MET: variants seen among roughly 807,000 people sequenced by gnomAD.
The protein encoded by MET is MET proto-oncogene, receptor tyrosine kinase.
A neutral mutation model predicts 133.1 loss-of-function variants in MET; 48 were observed. The ratio of observed to expected loss-of-function variants is 0.36; its 90% CI spans 0.29 to 0.46. The LOEUF (loss-of-function observed/expected upper bound fraction) is 0.46. MET is among the 20% of genes least tolerant of loss of function. MET has a pLI of 1.00. For missense variants in MET, 1,442 were observed against 1,695.9 expected, an observed-to-expected ratio of 0.85 and a Z score of 2.63; for synonymous variants, 628 against 616.5, an observed-to-expected ratio of 1.02 and a Z score of -0.28.
At chr7:116,785,405 A>G (rs1426224427) in intron 19 of MET, among the ~76,000 whole-genome samples, 1 of 152,132 alleles carries the variant, frequency 6.6e-6, no homozygotes, top group Non-Finnish European at 1.5e-5. Flanking sequence ...AGCAGGACCA[A>G]GTGGGGGGAG....
chr7:116,731,972 G>T, intron 3 of MET, 113 bp downstream of exon 3: 1 of 1,038,904 alleles, frequency 9.6e-7, no homozygotes, highest in East Asian at 2.5e-5. Flanking sequence ...AATCATAGTA[G>T]AAACTGGAAC....
chr7:116,740,803 A>G (rs1430828427), intron 4 of MET, 49 bp from the exon 5 acceptor site: 2 of 1,607,090 alleles, frequency 1.2e-6, no homozygotes, highest in African/African-American at 1.3e-5. Context: ...TAATTAATTA[A>G]CAAACTAGAT....
At chr7:116,685,681 A>G (rs749200333) in intron 1 of MET, among the ~76,000 whole-genome samples, 1 of 152,144 alleles carries the variant, frequency 6.6e-6, no homozygotes, top group East Asian at 1.9e-4. Context: ...GCAAGACTCC[A>G]TGTCAAAAAA....
chr7:116,781,438 A>G (rs922910720), intron 17 of MET, among the ~76,000 whole-genome samples: 1 of 152,198 alleles, frequency 6.6e-6, no homozygotes, highest in African/African-American at 2.4e-5. Context: ...TGGAAAATGG[A>G]GCCTGTAACA....
intron 1 of MET, among the ~76,000 whole-genome samples, chr7:116,675,635 A>G (rs1003727088): frequency 6.6e-6 from 1 of 152,152 alleles, no homozygotes; most frequent in Non-Finnish European, 1.5e-5. Context: ...GCCATCAACT[A>G]TTGGAAACAT....
At chr7:116,717,359 G>A (rs1410009532) in intron 2 of MET, among the ~76,000 whole-genome samples, 2 of 152,124 alleles carry the variant, frequency 1.3e-5, no homozygotes, top group Non-Finnish European at 2.9e-5. Context: ...GTGCCTCCCT[G>A]CGTGCAGTCA....
rs1794949971 is a variant in MET, at chr7:116,774,985, C to T, written c.3133C>T (p.Pro1045Ser). ...LTSGDSDISS[P>S]LLQNTVHIDL... ...TAGTGGGGACTCTGATATATCCAGT[C>T]CATTACTGCAAAATACTGTCCACAT... The change falls in exon 15 of 21, where the codon CCA becomes TCA. Residue 1045 changes from proline (P) to serine (S), a missense_variant. Pro to Ser is a moderately conservative substitution (Grantham distance 74, BLOSUM62 -1). This residue lies in a region of MET where 514 missense variants were observed against 659.6 expected (regional missense o/e 0.78). Transcript: ENST00000397752. 1 of 1,614,142 alleles carries T rather than the reference C, an allele frequency of 6.2e-7. No homozygotes were observed. The highest frequency in any genetic ancestry group is 8.5e-7 in the Non-Finnish European group (1 of 1,180,000).
Position 116,735,252 on chromosome 7 carries a change from A to G in MET, c.1392+3393A>G, listed in dbSNP as rs569365762. Among the ~76,000 whole-genome samples, 284 of 152,204 alleles carry G rather than the reference A, an allele frequency of 1.9e-3. 1 individual carries two copies. The highest frequency in any genetic ancestry group is 3.0e-3 in the Non-Finnish European group (206 of 68,030). On this transcript the variant is annotated intron_variant, in intron 3 of 20. Transcript: ENST00000397752. ...CCTCTCCAAGTTCCTAAATGTTGTTACCACCCACTCATCACTCCTGTTCTC... is the reference window on the plus strand; with the variant it reads ...CCTCTCCAAGTTCCTAAATGTTGTTGCCACCCACTCATCACTCCTGTTCTC...
intron 2 of MET, among the ~76,000 whole-genome samples, chr7:116,728,412 A>G (rs1280477599): frequency 2.0e-5 from 3 of 152,202 alleles, no homozygotes; most frequent in African/African-American, 7.2e-5. Flanking sequence ...TGTGCAATAT[A>G]AATATTGCAT....
chr7:116,716,223 C>T (rs987730503), intron 2 of MET, among the ~76,000 whole-genome samples: 14 of 145,698 alleles, frequency 9.6e-5, no homozygotes, highest in Admixed American at 2.8e-4. Context: ...ACTGCACTGC[C>T]GCCTGGGTGA....
chr7:116,795,130 T>A (rs1795628748), intron 19 of MET, among the ~76,000 whole-genome samples: 1 of 152,174 alleles, frequency 6.6e-6, no homozygotes, highest in South Asian at 2.1e-4. Flanking sequence ...GCCTTGCAGT[T>A]TTTTTTATTT....
At chr7:116,690,685 A>G (rs1796752349) in intron 1 of MET, among the ~76,000 whole-genome samples, 1 of 152,250 alleles carries the variant, frequency 6.6e-6, no homozygotes, top group South Asian at 2.1e-4. Flanking sequence ...GCATGTTTAC[A>G]AATTTGCTTT....
At chr7:116,759,659 G>C (rs1794320597) in intron 10 of MET, 169 bp downstream of exon 10, 2 of 769,948 alleles carry the variant, frequency 2.6e-6, no homozygotes, top group Middle Eastern at 4.6e-4. Context: ...ATTATCTAGA[G>C]TCTTGGGCTA....
intron 5 of MET, among the ~76,000 whole-genome samples, chr7:116,747,388 C>T (rs985363632): frequency 2.0e-4 from 30 of 152,108 alleles, no homozygotes; most frequent in Admixed American, 1.8e-3. Context: ...ACCCATCTCA[C>T]GTGCAAAGAC....
rs907146102 is a variant in MET at position 116,797,280 on chromosome 7, G to T, written c.*1156G>T. On this transcript the variant is annotated 3_prime_UTR_variant, in exon 21 of 21. Coordinates refer to ENST00000397752, the MANE Select transcript of MET (RefSeq NM_000245.4). ...GATACATTTTACTAAAAGGTTCATTGGTTCCAATCACAGCTCATAGGTAGA... is the reference window on the plus strand; with the variant it reads ...GATACATTTTACTAAAAGGTTCATTTGTTCCAATCACAGCTCATAGGTAGA... The T allele has an allele frequency of 3.6e-5, 8 of 221,880 alleles. No homozygotes were observed. Among genetic ancestry groups the T allele is most frequent in the East Asian group, 3.3e-4 (5 of 15,184 alleles). 13.7% of individuals were successfully genotyped at this position (221,880 alleles called of 1,614,324 possible).
chr7:116,703,643 C>A (rs1217459159), intron 2 of MET, among the ~76,000 whole-genome samples: 2 of 151,994 alleles, frequency 1.3e-5, no homozygotes, highest in Admixed American at 6.6e-5. Context: ...ACTGTGGAAT[C>A]TCTAACAGTC....
intron 8 of MET, among the ~76,000 whole-genome samples, chr7:116,758,004 C>T (rs1006399079): frequency 2.0e-5 from 3 of 152,110 alleles, no homozygotes; most frequent in Non-Finnish European, 2.9e-5. Context: ...TTTGTCTTCC[C>T]ATCCACCCTC....
rs775541395 is a variant in MET, at chr7:116,771,808, T to C, written c.2888-41T>C. 31 of 1,613,430 alleles carry C rather than the reference T, an allele frequency of 1.9e-5. No homozygotes were observed. Among genetic ancestry groups the C allele is most frequent in the Non-Finnish European group, 2.1e-5 (25 of 1,179,712 alleles). ...GGTCAAAGTCTCCTGGGGCCCATGA[T>C]AGCCGTCTTTAACAAGCTCTTTCTT... On this transcript the variant is annotated intron_variant, in intron 13 of 20. Transcript: ENST00000397752.
In MET at chr7:116,758,479, A is replaced by G; in HGVS notation, c.2123A>G (p.Glu708Gly). 6.2e-7 allele frequency: 1 copy of G among 1,613,766 alleles called. No individual in the cohort carries two copies. Among genetic ancestry groups the G allele is most frequent in the East Asian group, 2.2e-5 (1 of 44,852 alleles). Residue 708 changes from glutamate (E) to glycine (G), a missense_variant, in exon 9 of 21, where the codon GAA becomes GGA. Around this residue, in one of 6 missense-constraint regions of MET, gnomAD observed 514 missense variants for 659.6 expected, o/e 0.78. Coordinates refer to ENST00000397752, the MANE Select transcript of MET (RefSeq NM_000245.4). ...TLKSVSNSIL[E>G]CYTPAQTIST... ...TTCAGTGTGTCAAACAGTATTCTTGAATGTTATACCCCAGCCCAAACCATT... is the reference window on the plus strand; with the variant it reads ...TTCAGTGTGTCAAACAGTATTCTTGGATGTTATACCCCAGCCCAAACCATT...
Sources: gnomAD v4.1 joint callset for allele counts (sites outside exome capture counted in the v4.1 genomes callset) on GRCh38, gnomAD v4.1.1 for gene constraint, gnomAD v4.1.1 regional missense constraint, MANE v1.5 for transcripts, NCBI Gene and HGNC (gene_info 2026-07-23, HGNC 2026-07-21) for gene names.